The following WDR1 variants were observed in gnomAD, a reference collection of about 807,000 sequenced individuals.
WDR1 encodes WD repeat-containing protein 1.
Under a neutral mutation model 71.9 loss-of-function variants are expected in WDR1, and 21 were observed. The observed-to-expected ratio is 0.29, with a 90% CI of 0.21 to 0.42. The LOEUF (loss-of-function observed/expected upper bound fraction) is 0.42. Ranked by LOEUF, WDR1 falls within the 10% of genes least tolerant of loss-of-function variation. WDR1 has a pLI of 1.00. For synonymous variants in WDR1, 424 were observed against 347.4 expected, an observed-to-expected ratio of 1.22 and a Z score of -2.45; for missense variants, 696 against 824.5, an observed-to-expected ratio of 0.84 and a Z score of 1.91.
At chr4:10,108,123 A>G (rs1405753011) in intron 2 of WDR1, 1 of 152,182 alleles carries the variant, frequency 6.6e-6, no homozygotes, top group Non-Finnish European at 1.5e-5. Flanking sequence ...GGTCATGCAA[A>G]CAAGCACACA....
chr4:10,088,311 G>A lies in WDR1; in HGVS notation c.699C>T (p.His233=), dbSNP rs758108470. The A allele has an allele frequency of 8.4e-6, 13 of 1,555,884 alleles. No homozygotes were observed. Among genetic ancestry groups the A allele is most frequent in the South Asian group, 7.1e-5 (6 of 84,222 alleles). ...TACTCACTGCGTAAATCCCACCGTC[G>A]TGGGCCTTGCTTCCGCCCAGCGCGC... The part of the protein sequence containing the change: ...KVCALGGSKA[H]DGGIYAISWS... The change falls in exon 7 of 15, where the codon CAC becomes CAT. Residue 233 remains histidine, a synonymous_variant. Transcript: ENST00000499869.
chr4:10,096,403 C>T (rs894840994), intron 5 of WDR1: 9 of 152,290 alleles, frequency 5.9e-5, no homozygotes, highest in African/African-American at 2.2e-4. Context: ...CCAAAATAGC[C>T]AGGTCTCCAC....
intron 2 of WDR1, 179 bp downstream of exon 2, chr4:10,115,934 C>G (rs1713690798): frequency 1.3e-6 from 1 of 748,614 alleles, no homozygotes; most frequent in African/African-American, 1.8e-5. Flanking sequence ...CAGACAAGGA[C>G]CTGGGTGAAT....
At position 10,104,004 on chromosome 4, in the gene WDR1, G is replaced by A. The variant is rs367861450; in HGVS notation, c.139-18C>T. ...GCTGGGTTCTGCAGGAGGAGACCCC[G>A]GAATGAACAGAAGGAATGGAGAAGC... On this transcript the variant is annotated intron_variant, in intron 2 of 14. Transcript: ENST00000499869. 79 of 1,579,270 alleles carry A rather than the reference G, an allele frequency of 5.0e-5. No homozygotes were observed. Among genetic ancestry groups the A allele is most frequent in the Non-Finnish European group, 6.5e-5 (75 of 1,162,460 alleles).
chr4:10,078,866 C>G (rs747432855), intron 12 of WDR1, 25 bp downstream of exon 12: 3 of 1,590,434 alleles, frequency 1.9e-6, no homozygotes, highest in Non-Finnish European at 2.6e-6. Context: ...GGACAGAGAG[C>G]ACGGGGGAGA....
At chr4:10,085,783 C>T (rs1166000973) in intron 8 of WDR1, among the ~76,000 whole-genome samples, 1 of 152,248 alleles carries the variant, frequency 6.6e-6, no homozygotes, top group Non-Finnish European at 1.5e-5. Context: ...TTCTAACACG[C>T]AGCCTGGGCT....
intron 5 of WDR1, chr4:10,096,589 C>T (rs1437811976): frequency 1.3e-5 from 2 of 150,044 alleles, no homozygotes; most frequent in Non-Finnish European, 3.0e-5. Context: ...GGAAAGCCCC[C>T]TCCTGTACCC....
At chr4:10,107,175 G>A (rs2108800864) in intron 2 of WDR1, among the ~76,000 whole-genome samples, 1 of 152,184 alleles carries the variant, frequency 6.6e-6, no homozygotes, top group South Asian at 2.1e-4. Flanking sequence ...AGCAGCCTTG[G>A]AGTTGCCCAC....
intron 5 of WDR1, among the ~76,000 whole-genome samples, chr4:10,090,149 TAC>T (rs1193864566): frequency 6.6e-6 from 1 of 152,184 alleles, no homozygotes; most frequent in Non-Finnish European, 1.5e-5. Context: ...ACACCTTGAC[TAC>T]AGACTTCTGA....
Position 10,087,856 on chromosome 4 carries a change from C to A in WDR1, c.802G>T (p.Val268Leu). The change falls in exon 8 of 15, where the codon GTG becomes TTG. Residue 268 changes from valine (V) to leucine (L), a missense_variant. Coordinates refer to ENST00000499869, the MANE Select transcript of WDR1 (RefSeq NM_017491.5). ...SKIWDVSVNS[V>L]VSTFPMGSTV... The stretch of plus-strand genomic sequence containing the variant: ...GAGCCCATGGGAAATGTGCTGACCA[C>A]GGAGTTCACGCTGACGTCCCAAATC... 1 of 1,572,634 alleles carries A rather than the reference C, an allele frequency of 6.4e-7. No individual in the cohort carries two copies. Among genetic ancestry groups the A allele is most frequent in the South Asian group, 1.2e-5 (1 of 85,654 alleles).
At chr4:10,089,769 C>G (rs1402337374) in intron 5 of WDR1, among the ~76,000 whole-genome samples, 1 of 152,232 alleles carries the variant, frequency 6.6e-6, no homozygotes, top group Non-Finnish European at 1.5e-5. Context: ...GCCCCGCGCT[C>G]TAAGTAAATC....
chr4:10,087,846 G>C lies in WDR1; in HGVS notation c.812C>G (p.Thr271Arg). 1 of 1,576,454 alleles carries C rather than the reference G, an allele frequency of 6.3e-7. No homozygotes were observed. Among genetic ancestry groups the C allele is most frequent in the Non-Finnish European group, 8.6e-7 (1 of 1,160,260 alleles). The change falls in exon 8 of 15, where the codon ACA becomes AGA. Residue 271 changes from threonine (T) to arginine (R), a missense_variant. By Grantham distance (71) the Thr-to-Arg change is moderately conservative (BLOSUM62 -1). Transcript: ENST00000499869. ...CAGAACCGTGGAGCCCATGGGAAAT[G>C]TGCTGACCACGGAGTTCACGCTGAC... ...WDVSVNSVVSTFPMGSTVLDQ... is the reference protein window; with the variant it reads ...WDVSVNSVVSRFPMGSTVLDQ...
intron 3 of WDR1, among the ~76,000 whole-genome samples, chr4:10,101,114 C>T (rs1316948022): frequency 6.6e-6 from 1 of 152,284 alleles, no homozygotes; most frequent in African/African-American, 2.4e-5. Flanking sequence ...ACCACGGCCC[C>T]AGCGCCAAGG....
chr4:10,081,321 G>A (rs762149518), intron 11 of WDR1, 36 bp downstream of exon 11: 2 of 1,600,216 alleles, frequency 1.2e-6, no homozygotes, highest in Non-Finnish European at 1.7e-6. Context: ...CCACACAGCT[G>A]CAGGCTCCCA....
Position 10,098,983 on chromosome 4 carries a change from G to C in WDR1, c.377+9C>G, listed in dbSNP as rs369831277. ...ACAGGGCAGGGAGGGGCTGAGAGGA[G>C]TGACTCACTTCTCCCTTCCTTCCCC... On this transcript the variant is annotated intron_variant, in intron 4 of 14. Transcript: ENST00000499869. 1.8e-5 allele frequency: 29 copies of C among 1,613,860 alleles called. No homozygotes were observed. The African/African-American group carries it at 3.7e-4, about 21-fold the overall frequency.
At position 10,116,295 on chromosome 4, in the gene WDR1, G is replaced by A. The variant is rs907420499; in HGVS notation, c.17-61C>T. 5.6e-6 allele frequency: 9 copies of A among 1,607,474 alleles called. No homozygotes were observed. The East Asian group carries it at 6.7e-5, about 12-fold the overall frequency. ...CAGGGCGGGGACGGCGGGGACAGAA[G>A]GGAGAAGGAGCCCCGGACCGGTCTC... On this transcript the variant is annotated intron_variant, in intron 1 of 14. Coordinates refer to ENST00000499869, the MANE Select transcript of WDR1 (RefSeq NM_017491.5).
chr4:10,084,004 G>C (rs1322186676), intron 9 of WDR1, among the ~76,000 whole-genome samples: 1 of 152,178 alleles, frequency 6.6e-6, no homozygotes, highest in Admixed American at 6.5e-5. Flanking sequence ...TCTGGGCTCT[G>C]GTTTTCCTAT....
At chr4:10,077,648 A>G (rs1321645260) in intron 13 of WDR1, 105 bp downstream of exon 13, 5 of 1,460,582 alleles carry the variant, frequency 3.4e-6, no homozygotes, top group Non-Finnish European at 3.6e-6. Context: ...CAAGAAAACT[A>G]CAGCTCAGAC....
At chr4:10,115,978 T>C in intron 2 of WDR1, 135 bp downstream of exon 2, 1 of 1,258,938 alleles carries the variant, frequency 7.9e-7, no homozygotes. Flanking sequence ...GAGGTGTGGC[T>C]CCCGGTAGAG....
Sources: allele counts gnomAD v4.1 joint callset (sites outside exome capture counted in the v4.1 genomes callset), GRCh38; gene constraint gnomAD v4.1.1; transcripts MANE v1.5; gene names NCBI Gene and HGNC (gene_info 2026-07-23, HGNC 2026-07-21).